PDCL2: variants seen among roughly 807,000 people sequenced by gnomAD.
PDCL2 encodes the protein phosducin-like protein 2.
In PDCL2, 23 loss-of-function variants were observed where a neutral mutation model predicts 30.3. The observed-to-expected ratio is 0.76, with a 90% CI of 0.55 to 1.08. PDCL2 has a LOEUF of 1.08. PDCL2 is among the 50% of genes least tolerant of loss of function. PDCL2 has a pLI of 0.00. For missense variants in PDCL2, 243 were observed against 282.3 expected, an observed-to-expected ratio of 0.86 and a Z score of 1.00; for synonymous variants, 68 against 86.2, an observed-to-expected ratio of 0.79 and a Z score of 1.17.
At chr4:55,566,120 T>C (rs1285928676) in intron 4 of PDCL2, among the ~76,000 whole-genome samples, 4 of 151,560 alleles carry the variant, frequency 2.6e-5, no homozygotes, top group Admixed American at 1.3e-4. Context: ...ACTGGGATTA[T>C]AGGGACACAT....
rs937529158 is a variant in PDCL2 at position 55,581,219 on chromosome 4, C to T, written c.128-308G>A. Among the ~76,000 whole-genome samples, 53 of 151,916 alleles carry T rather than the reference C, an allele frequency of 3.5e-4. 1 individual carries two copies. Among genetic ancestry groups the T allele is most frequent in the Non-Finnish European group, 4.4e-5 (3 of 67,996 alleles). ...CTGAGGCAGGAGAATCACTTGAACC[C>T]GAATGGCTGAGTTTGCAGTGAGCTG... On this transcript the variant is annotated intron_variant, in intron 2 of 5. Coordinates refer to ENST00000295645, the MANE Select transcript of PDCL2 (RefSeq NM_152401.3).
At chr4:55,562,695 G>A (rs1732166174) in intron 4 of PDCL2, 83 bp from the exon 5 acceptor site, 1 of 852,748 alleles carries the variant, frequency 1.2e-6, no homozygotes, top group Non-Finnish European at 1.7e-6. Flanking sequence ...TATCGCCATG[G>A]CAAAAATATA....
rs571986094 is a variant in PDCL2 at position 55,571,709 on chromosome 4, C to T, written c.219-1848G>A. On this transcript the variant is annotated intron_variant, in intron 3 of 5. Transcript: ENST00000295645. ...CTCAAAAAAAAAAAAAATTTTTGAC[C>T]TTATTTCCCATGCTAGAAACATTTC... is the stretch of plus-strand genomic sequence containing the variant. 7.6e-5 allele frequency among the ~76,000 whole-genome samples: 11 copies of T among 144,820 alleles called. 1 individual carries two copies. Among genetic ancestry groups the T allele is most frequent in the African/African-American group, 1.3e-4 (5 of 38,594 alleles).
intron 4 of PDCL2, among the ~76,000 whole-genome samples, chr4:55,567,271 G>A (rs918724600): frequency 1.3e-5 from 2 of 152,160 alleles, no homozygotes; most frequent in East Asian, 1.9e-4. Flanking sequence ...AGTGGTTCAC[G>A]CCTGTAATCT....
intron 3 of PDCL2, 24 bp from the exon 4 acceptor site, chr4:55,569,885 T>G: frequency 7.0e-7 from 1 of 1,420,686 alleles, no homozygotes; most frequent in Non-Finnish European, 9.5e-7. Flanking sequence ...GAAATTAAAT[T>G]ACATAAGAAT....
intron 4 of PDCL2, among the ~76,000 whole-genome samples, chr4:55,567,295 G>A (rs1181136867): frequency 6.6e-6 from 1 of 152,196 alleles, no homozygotes; most frequent in Non-Finnish European, 1.5e-5. Flanking sequence ...TACTCTGGGA[G>A]GCTGAGGCAG....
chr4:55,582,724 T>C (rs183952971), intron 1 of PDCL2, among the ~76,000 whole-genome samples: 125 of 152,078 alleles, frequency 8.2e-4, no homozygotes, highest in African/African-American at 2.9e-3. Context: ...GTCATTTACA[T>C]TAGGTATATC....
chr4:55,582,379 G>A, intron 1 of PDCL2, 142 bp from the exon 2 acceptor site: 1 of 939,240 alleles, frequency 1.1e-6, no homozygotes, highest in Non-Finnish European at 1.5e-6. Flanking sequence ...ATAAAGCAAA[G>A]TGACCTACTT....
intron 3 of PDCL2, among the ~76,000 whole-genome samples, chr4:55,577,960 TCTC>T (rs1361329264): frequency 1.3e-5 from 2 of 152,186 alleles, no homozygotes; most frequent in Non-Finnish European, 1.5e-5. Flanking sequence ...GGAAATAAGT[TCTC>T]CTCCTTTGCT....
intron 3 of PDCL2, among the ~76,000 whole-genome samples, chr4:55,571,454 G>A (rs560239427): frequency 2.1e-4 from 32 of 151,112 alleles, no homozygotes; most frequent in South Asian, 4.2e-4. Context: ...TTGGGAGGCC[G>A]AGGCGGGCAG....
intron 3 of PDCL2, among the ~76,000 whole-genome samples, 189 bp from the exon 4 acceptor site, chr4:55,570,050 G>T (rs1006504974): frequency 1.3e-5 from 2 of 152,066 alleles, no homozygotes; most frequent in Non-Finnish European, 2.9e-5. Flanking sequence ...TGTTATCATG[G>T]TTATTGGAAA....
chr4:55,563,605 A>G (rs1438709842), intron 4 of PDCL2, among the ~76,000 whole-genome samples: 1 of 152,232 alleles, frequency 6.6e-6, no homozygotes, highest in African/African-American at 2.4e-5. Flanking sequence ...AAGGCAAATT[A>G]ATTGGAGAAA....
chr4:55,576,154 C>T (rs186322398), intron 3 of PDCL2, among the ~76,000 whole-genome samples: 74 of 151,998 alleles, frequency 4.9e-4, no homozygotes, highest in Middle Eastern at 3.4e-3. Context: ...TGCCGTGGCG[C>T]GATCTTAGCT....
At chr4:55,589,590 C>T (rs188623957) in intron 1 of PDCL2, among the ~76,000 whole-genome samples, 3 of 152,254 alleles carry the variant, frequency 2.0e-5, no homozygotes, top group Admixed American at 6.5e-5. Flanking sequence ...TGTTTACCTC[C>T]GGTTCACCCT....
At chr4:55,590,760 G>C (rs1732979539) in intron 1 of PDCL2, among the ~76,000 whole-genome samples, 1 of 152,004 alleles carries the variant, frequency 6.6e-6, no homozygotes, top group Admixed American at 6.6e-5. Context: ...CTCCCAAAGT[G>C]CTGGGGTTAC....
At position 55,592,179 on chromosome 4, in the gene PDCL2, G is replaced by A. The variant is rs1411744921; in HGVS notation, c.-70C>T. On this transcript the variant is annotated 5_prime_UTR_variant, in exon 1 of 6. Transcript: ENST00000295645. ...GGCGAGGCGCCACGGATGGAGACCCGCAGCCTTCTCCAGGCTGGAAGAGCG... is the reference window on the plus strand; with the variant it reads ...GGCGAGGCGCCACGGATGGAGACCCACAGCCTTCTCCAGGCTGGAAGAGCG... The A allele has an allele frequency of 1.1e-5, 17 of 1,584,408 alleles. No individual in the cohort carries two copies. Among genetic ancestry groups the A allele is most frequent in the Non-Finnish European group, 1.5e-5 (17 of 1,165,664 alleles).
chr4:55,565,462 C>T (rs1732235469), intron 4 of PDCL2, among the ~76,000 whole-genome samples: 1 of 152,094 alleles, frequency 6.6e-6, no homozygotes, highest in African/African-American at 2.4e-5. Context: ...CATGTGGCAG[C>T]AATGAGAAGT....
At chr4:55,573,842 A>G (rs1732492384) in intron 3 of PDCL2, among the ~76,000 whole-genome samples, 1 of 150,568 alleles carries the variant, frequency 6.6e-6, no homozygotes, top group South Asian at 2.1e-4. Flanking sequence ...AATTTTTATC[A>G]AGTAAAAAAA....
At chr4:55,566,232 T>A (rs2110155367) in intron 4 of PDCL2, among the ~76,000 whole-genome samples, 1 of 152,080 alleles carries the variant, frequency 6.6e-6, no homozygotes, top group Non-Finnish European at 1.5e-5. Flanking sequence ...TCCGCCCGCC[T>A]CGGCCTCTCA....
Sources: allele counts gnomAD v4.1 joint callset (sites outside exome capture counted in the v4.1 genomes callset), GRCh38; gene constraint gnomAD v4.1.1; transcripts MANE v1.5; gene names NCBI Gene and HGNC (gene_info 2026-07-23, HGNC 2026-07-21).